CNTNAP5: variants seen among roughly 807,000 people sequenced by gnomAD.
CNTNAP5 encodes contactin associated protein family member 5.
A neutral mutation model predicts 150.2 loss-of-function variants in CNTNAP5; 72 were observed. That is an observed-to-expected ratio of 0.48 (90% confidence interval 0.40 to 0.58). The LOEUF is 0.58. CNTNAP5 is among the 20% of genes least tolerant of loss of function. The pLI, the probability that CNTNAP5 is intolerant of heterozygous loss-of-function variation, is 0.00. For missense variants in CNTNAP5, 1,636 were observed against 1,626.2 expected (o/e 1.01, Z -0.10); for synonymous variants, 672 against 619.8 (o/e 1.08, Z -1.25).
chr2:124,160,901 A>G (rs1293992968), intron 1 of CNTNAP5, among the ~76,000 whole-genome samples: 1 of 152,056 alleles, frequency 6.6e-6, no homozygotes, highest in Non-Finnish European at 1.5e-5. Context: ...ATTTCATTTT[A>G]TTTGTTTCCT....
chr2:124,233,722 G>T (rs1686679169), intron 2 of CNTNAP5, among the ~76,000 whole-genome samples: 1 of 149,170 alleles, frequency 6.7e-6, no homozygotes. Flanking sequence ...CTCTTTCACA[G>T]TAATACAATT....
At chr2:124,428,628 T>C (rs1692296990) in intron 4 of CNTNAP5, among the ~76,000 whole-genome samples, 1 of 151,826 alleles carries the variant, frequency 6.6e-6, no homozygotes, top group Non-Finnish European at 1.5e-5. Context: ...AAAAGAAAAC[T>C]TCTTATTTAA....
intron 19 of CNTNAP5, among the ~76,000 whole-genome samples, chr2:124,809,692 C>T (rs1682163587): frequency 6.6e-6 from 1 of 151,660 alleles, no homozygotes; most frequent in Admixed American, 6.6e-5. Flanking sequence ...AATCTCCTAG[C>T]AAGTTGAATA....
rs527869711 is a variant in CNTNAP5, at chr2:124,602,319, C to T, written c.1757-7482C>T. Among the ~76,000 whole-genome samples, 81 of 119,536 alleles carry T rather than the reference C, an allele frequency of 6.8e-4. 1 individual carries two copies. Among genetic ancestry groups the T allele is most frequent in the African/African-American group, 2.5e-3 (75 of 30,076 alleles). 78.4% of individuals were successfully genotyped at this position (119,536 alleles called of 152,430 possible). On this transcript the variant is annotated intron_variant, in intron 11 of 23. Transcript: ENST00000682447. ...ATCATGCCACTGCACTCCAGCCTGGCGACAGAGCAAGACTTCACCAAAAAA... is the reference window on the plus strand; with the variant it reads ...ATCATGCCACTGCACTCCAGCCTGGTGACAGAGCAAGACTTCACCAAAAAA...
At chr2:124,154,936 A>C (rs1427001814) in intron 1 of CNTNAP5, among the ~76,000 whole-genome samples, 1 of 152,132 alleles carries the variant, frequency 6.6e-6, no homozygotes, top group African/African-American at 2.4e-5. Context: ...TGATTCCACT[A>C]TGCAGCCAGG....
At chr2:124,797,968 T>G in intron 18 of CNTNAP5, 128 bp from the exon 19 acceptor site, 1 of 639,166 alleles carries the variant, frequency 1.6e-6, no homozygotes, top group East Asian at 2.7e-5. Flanking sequence ...GTGGGGAACA[T>G]GTTGTCTGAT....
chr2:124,736,799 CT>C (rs200896662), intron 13 of CNTNAP5, among the ~76,000 whole-genome samples: 1 of 151,708 alleles, frequency 6.6e-6, no homozygotes, highest in African/African-American at 2.4e-5. Context: ...TGGGTTGTTT[CT>C]TTTTTTTGGC....
chr2:124,367,639 G>T (rs1486818246), intron 3 of CNTNAP5, among the ~76,000 whole-genome samples: 2 of 152,120 alleles, frequency 1.3e-5, no homozygotes, highest in Non-Finnish European at 2.9e-5. Context: ...AGCCCCTCTG[G>T]CTTCCATTTC....
At chr2:124,083,532 GT>G (rs1478747018) in intron 1 of CNTNAP5, among the ~76,000 whole-genome samples, 1 of 151,750 alleles carries the variant, frequency 6.6e-6, no homozygotes, top group Non-Finnish European at 1.5e-5. Context: ...AGTTTTTACT[GT>G]TTTTTTCTAA....
chr2:124,156,650 C>T (rs562386760), intron 1 of CNTNAP5, among the ~76,000 whole-genome samples: 2 of 152,250 alleles, frequency 1.3e-5, no homozygotes, highest in Non-Finnish European at 2.9e-5. Context: ...CATGCGCCAC[C>T]ATACCTGGCT....
At chr2:124,325,084 TGGTTTTAAGAGGTAG>T (rs1431645535) in intron 3 of CNTNAP5, among the ~76,000 whole-genome samples, 3 of 152,198 alleles carry the variant, frequency 2.0e-5, no homozygotes, top group African/African-American at 7.2e-5. Flanking sequence ...CATAATGTGA[TGGTTTTAAGAGGTAG>T]GGCCTTTGGA....
chr2:124,126,573 T>A (rs1328964350), intron 1 of CNTNAP5, among the ~76,000 whole-genome samples: 1 of 152,052 alleles, frequency 6.6e-6, no homozygotes, highest in African/African-American at 2.4e-5. Flanking sequence ...GCCAGCAGCA[T>A]CCTGATACCA....
intron 13 of CNTNAP5, among the ~76,000 whole-genome samples, chr2:124,699,333 G>A (rs1255471245): frequency 1.3e-5 from 2 of 152,158 alleles, no homozygotes; most frequent in African/African-American, 2.4e-5. Context: ...CCTGTTTGTA[G>A]GTTGCAGGGA....
intron 21 of CNTNAP5, among the ~76,000 whole-genome samples, chr2:124,901,848 T>G (rs1678419897): frequency 6.6e-6 from 1 of 152,154 alleles, no homozygotes; most frequent in African/African-American, 2.4e-5. Flanking sequence ...TAAAGGAGGT[T>G]AATTTCTCAT....
rs777019345 is a variant in CNTNAP5 at position 124,609,940 on chromosome 2, A to G, written c.1876+20A>G. 4 of 1,603,246 alleles carry G rather than the reference A, an allele frequency of 2.5e-6. No homozygotes were observed. The Admixed American group carries it at 6.7e-5, about 27-fold the overall frequency. ...TCACTGGTAAGGGTGCAGTAGCCCT[A>G]CTCACACTTAACCACCCCACTTCAT... On this transcript the variant is annotated intron_variant, in intron 12 of 23. Coordinates refer to ENST00000682447, the MANE Select transcript of CNTNAP5 (RefSeq NM_001367498.1).
At chr2:124,579,703 G>A (rs1696368532) in intron 11 of CNTNAP5, among the ~76,000 whole-genome samples, 1 of 152,196 alleles carries the variant, frequency 6.6e-6, no homozygotes. Flanking sequence ...GATGACAAGA[G>A]CTGAAAAAAA....
intron 3 of CNTNAP5, among the ~76,000 whole-genome samples, chr2:124,394,339 T>G (rs1691193009): frequency 7.1e-6 from 1 of 140,792 alleles, no homozygotes; most frequent in African/African-American, 2.7e-5. Flanking sequence ...GCCACTGCAC[T>G]CCAGCCTGGG....
rs996752161 is a variant in CNTNAP5 at position 124,759,714 on chromosome 2, A to C, written c.2235-3958A>C. The stretch of plus-strand genomic sequence containing the variant: ...AATAGTTTCTGAACATTTTAAATAC[A>C]TACTTTATTTGCCTTCACCCCTTGT... On this transcript the variant is annotated intron_variant, in intron 14 of 23. Coordinates refer to ENST00000682447, the MANE Select transcript of CNTNAP5 (RefSeq NM_001367498.1). 1.3e-5 allele frequency among the ~76,000 whole-genome samples: 2 copies of C among 151,916 alleles called. 1 individual carries two copies. The highest frequency in any genetic ancestry group is 2.9e-5 in the Non-Finnish European group (2 of 67,978).
At chr2:124,250,723 G>A (rs1687149918) in intron 3 of CNTNAP5, among the ~76,000 whole-genome samples, 1 of 151,820 alleles carries the variant, frequency 6.6e-6, no homozygotes. Flanking sequence ...GAGGCCCCAG[G>A]TGTCTACCTG....
Sources: allele counts gnomAD v4.1 joint callset (sites outside exome capture counted in the v4.1 genomes callset), GRCh38; gene constraint gnomAD v4.1.1; transcripts MANE v1.5; gene names NCBI Gene and HGNC (gene_info 2026-07-23, HGNC 2026-07-21).